Variants in NEK11 observed in about 807,000 individuals in gnomAD.
NEK11 encodes the protein serine/threonine-protein kinase Nek11.
A neutral mutation model predicts 80.7 loss-of-function variants in NEK11; 72 were observed. The observed-to-expected ratio is 0.89, with a 90% CI of 0.74 to 1.08. The LOEUF (loss-of-function observed/expected upper bound fraction) is 1.08. NEK11 is among the 50% of genes least tolerant of loss of function. NEK11 has a pLI of 0.00. For missense variants in NEK11, 764 were observed against 763.6 expected (o/e 1.00, Z -0.01); for synonymous variants, 251 against 260.7 (o/e 0.96, Z 0.36).
chr3:131,096,862 T>G (rs1452105509), intron 4 of NEK11, among the ~76,000 whole-genome samples: 2 of 150,084 alleles, frequency 1.3e-5, no homozygotes, highest in Non-Finnish European at 3.0e-5. Context: ...ATTAGGTATA[T>G]CTCCTAATGC....
rs576410112 is a variant in NEK11 at position 131,096,614 on chromosome 3, A to G, written c.337-13189A>G. On this transcript the variant is annotated intron_variant, in intron 4 of 17. Transcript: ENST00000383366. ...TTGAGGAATCTCTAAACTGCTTTCC[A>G]CAGTGGCTGAACTAATTTACATTCC... is the stretch of plus-strand genomic sequence containing the variant. 2.6e-5 allele frequency among the ~76,000 whole-genome samples: 4 copies of G among 152,282 alleles called. No homozygotes were observed. The East Asian group carries it at 7.7e-4, about 29-fold the overall frequency.
At chr3:131,134,919 C>T (rs181949993) in intron 7 of NEK11, among the ~76,000 whole-genome samples, 1 of 152,120 alleles carries the variant, frequency 6.6e-6, no homozygotes, top group East Asian at 1.9e-4. Flanking sequence ...TTATTATATA[C>T]TTTTCTGCTT....
intron 15 of NEK11, among the ~76,000 whole-genome samples, chr3:131,237,359 C>T (rs2095447449): frequency 6.6e-6 from 1 of 152,082 alleles, no homozygotes; most frequent in Non-Finnish European, 1.5e-5. Context: ...AGAAATGCAA[C>T]ATAGATGAGT....
chr3:131,261,207 A>G (rs2095913122), intron 16 of NEK11, among the ~76,000 whole-genome samples: 1 of 152,204 alleles, frequency 6.6e-6, no homozygotes, highest in Non-Finnish European at 1.5e-5. Context: ...CAATATTACT[A>G]TTATGAGCTG....
chr3:131,162,158 G>C (rs767786489), intron 10 of NEK11, among the ~76,000 whole-genome samples: 1 of 152,160 alleles, frequency 6.6e-6, no homozygotes, highest in Non-Finnish European at 1.5e-5. Flanking sequence ...ACTAGTCATT[G>C]GCGATGAAAT....
intron 14 of NEK11, among the ~76,000 whole-genome samples, chr3:131,181,831 A>AAAACTAAT (rs1184958764): frequency 2.6e-5 from 4 of 151,764 alleles, no homozygotes; most frequent in African/African-American, 9.6e-5. Flanking sequence ...GTAGACATAG[A>AAAACTAAT]AAACTAATAC....
intron 17 of NEK11, among the ~76,000 whole-genome samples, chr3:131,284,631 C>T (rs2096448259): frequency 6.6e-6 from 1 of 152,284 alleles, no homozygotes; most frequent in East Asian, 1.9e-4. Flanking sequence ...GACCTACCCT[C>T]AATCTGGGTG....
At chr3:131,221,962 G>A (rs2095040043) in intron 14 of NEK11, among the ~76,000 whole-genome samples, 2 of 152,130 alleles carry the variant, frequency 1.3e-5, no homozygotes, top group Non-Finnish European at 2.9e-5. Context: ...ACTCAAGTTT[G>A]ACACATCTGA....
chr3:131,154,912 T>A (rs1003780668), intron 9 of NEK11, 124 bp from the exon 10 acceptor site: 8 of 609,424 alleles, frequency 1.3e-5, no homozygotes, highest in Admixed American at 8.6e-5. Context: ...ACTAGCATGC[T>A]TTGTTCTCAG....
intron 17 of NEK11, among the ~76,000 whole-genome samples, chr3:131,335,510 C>T (rs1020024158): frequency 1.3e-5 from 2 of 152,190 alleles, no homozygotes; most frequent in South Asian, 2.1e-4. Context: ...CAGCCAATAT[C>T]ATACTGAATG....
chr3:131,279,992 C>G (rs2096369364), intron 17 of NEK11, among the ~76,000 whole-genome samples: 1 of 152,156 alleles, frequency 6.6e-6, no homozygotes, highest in South Asian at 2.1e-4. Flanking sequence ...GGCTGGGAGG[C>G]CTTAGTTCCT....
At chr3:131,339,716 G>C (rs2097257190) in intron 17 of NEK11, among the ~76,000 whole-genome samples, 2 of 152,198 alleles carry the variant, frequency 1.3e-5, no homozygotes, top group South Asian at 4.1e-4. Context: ...ACAGTAAACA[G>C]GAACAGGAAC....
intron 7 of NEK11, among the ~76,000 whole-genome samples, chr3:131,138,164 C>T (rs2086008731): frequency 6.6e-6 from 1 of 152,136 alleles, no homozygotes; most frequent in African/African-American, 2.4e-5. Flanking sequence ...TTCCCTGGGC[C>T]AGAGGGGAAC....
intron 4 of NEK11, among the ~76,000 whole-genome samples, chr3:131,087,766 G>A (rs59919660): frequency 0.012 from 1,769 of 152,258 alleles, 43 homozygotes; most frequent in African/African-American, 0.04. Context: ...CAGCCACCAG[G>A]CTTACTAGTT....
chr3:131,231,722 A>G (rs966954386), intron 15 of NEK11, among the ~76,000 whole-genome samples: 3 of 151,940 alleles, frequency 2.0e-5, no homozygotes, highest in African/African-American at 4.8e-5. Context: ...AAATTACACT[A>G]CAGAACTCAG....
intron 14 of NEK11, 146 bp from the exon 15 acceptor site, chr3:131,228,382 T>C (rs531716678): frequency 3.5e-6 from 2 of 576,132 alleles, no homozygotes; most frequent in African/African-American, 3.7e-5. Flanking sequence ...AACCAAATAC[T>C]TCCAGGAAGC....
chr3:131,074,443 T>A (rs2073988515), intron 3 of NEK11, among the ~76,000 whole-genome samples: 1 of 152,180 alleles, frequency 6.6e-6, no homozygotes, highest in South Asian at 2.1e-4. Context: ...AATTCCACAT[T>A]CCATAATGTA....
intron 14 of NEK11, among the ~76,000 whole-genome samples, chr3:131,203,747 A>G (rs868179577): frequency 0.016 from 1,019 of 64,122 alleles, 22 homozygotes; most frequent in South Asian, 0.031. Context: ...GTATATATAT[A>G]TGTGTGTGTG....
At chr3:131,034,387 G>T (rs1208563968) in intron 3 of NEK11, among the ~76,000 whole-genome samples, 2 of 152,088 alleles carry the variant, frequency 1.3e-5, no homozygotes, top group Non-Finnish European at 2.9e-5. Flanking sequence ...CAACTATGAA[G>T]TATTTAATAC....
Sources: allele counts gnomAD v4.1 joint callset (sites outside exome capture counted in the v4.1 genomes callset), GRCh38; gene constraint gnomAD v4.1.1; transcripts MANE v1.5; gene names NCBI Gene and HGNC (gene_info 2026-07-23, HGNC 2026-07-21).